JPH3: variants seen among roughly 807,000 people sequenced by gnomAD.
The protein encoded by JPH3 is junctophilin 3.
JPH3 carries 11 observed loss-of-function variants against 59.6 expected under a neutral mutation model. The ratio of observed to expected loss-of-function variants is 0.18; its 90% CI spans 0.12 to 0.31. The LOEUF is 0.31. Among genes scored for constraint, JPH3 ranks in the 10% least tolerant of loss-of-function variants. The probability of loss-of-function intolerance (pLI) is 1.00; values close to 1 mark genes in which losing one functional copy is unlikely to be tolerated. For missense variants in JPH3, 1,202 were observed against 1,105.7 expected, an observed-to-expected ratio of 1.09 and a Z score of -1.24; for synonymous variants, 673 against 483.6, an observed-to-expected ratio of 1.39 and a Z score of -5.14.
chr16:87,696,499 A>C, intron 4 of JPH3, 81 bp from the exon 5 acceptor site: 1 of 1,185,622 alleles, frequency 8.4e-7, no homozygotes, highest in Non-Finnish European at 1.2e-6. Flanking sequence ...AGCTTGGTGA[A>C]AAGACGTGGG....
intron 1 of JPH3, among the ~76,000 whole-genome samples, chr16:87,628,057 C>A (rs2031441898): frequency 6.6e-6 from 1 of 152,234 alleles, no homozygotes; most frequent in South Asian, 2.1e-4. Flanking sequence ...GTGCTGTGTC[C>A]TGTTCCTGCC....
intron 2 of JPH3, among the ~76,000 whole-genome samples, chr16:87,650,224 G>T (rs957914972): frequency 6.6e-6 from 1 of 152,192 alleles, no homozygotes; most frequent in African/African-American, 2.4e-5. Context: ...GCTTTTTCAT[G>T]ATTATATCTG....
intron 4 of JPH3, chr16:87,695,084 G>C (rs2033761497): frequency 5.8e-6 from 2 of 347,336 alleles, no homozygotes; most frequent in Non-Finnish European, 1.1e-5. Flanking sequence ...TGGAACTGCT[G>C]GGTCCCCGGT....
chr16:87,692,719 C>T (rs556498912), intron 4 of JPH3, among the ~76,000 whole-genome samples: 1 of 152,340 alleles, frequency 6.6e-6, no homozygotes, highest in Admixed American at 6.5e-5. Flanking sequence ...GAACTCTGGC[C>T]CTGGCTGTTT....
chr16:87,619,843 T>C (rs1386051817), intron 1 of JPH3, among the ~76,000 whole-genome samples: 1 of 151,884 alleles, frequency 6.6e-6, no homozygotes, highest in Non-Finnish European at 1.5e-5. Context: ...GGGGCACGGA[T>C]GGGGCGCAAG....
At position 87,689,913 on chromosome 16, in the gene JPH3, T is replaced by C. The variant is rs2033518400; in HGVS notation, c.1553T>C (p.Leu518Pro). Residue 518 changes from leucine to proline, a missense_variant, in exon 4 of 5, where the codon CTC becomes CCC. Leu to Pro is a moderately conservative substitution (Grantham distance 98). Transcript: ENST00000284262. The part of the protein sequence containing the change: ...DEERGGDIQM[L>P]LEGRAGDCAR... Reference sequence around the variant, plus strand: ...GAGCGGGGCGGGGACATCCAGATGCTCCTGGAGGGCCGGGCCGGGGACTGC... The same window carrying C: ...GAGCGGGGCGGGGACATCCAGATGCCCCTGGAGGGCCGGGCCGGGGACTGC... The C allele has an allele frequency of 3.4e-6, 5 of 1,456,492 alleles. No homozygotes were observed. The highest frequency in any genetic ancestry group is 4.5e-6 in the Non-Finnish European group (5 of 1,107,134). The allele number at this position is 1,456,492 out of a possible 1,614,324, so 90.2% of individuals were successfully genotyped here.
At chr16:87,629,345 AT>A (rs1024268891) in intron 1 of JPH3, among the ~76,000 whole-genome samples, 50 of 151,964 alleles carry the variant, frequency 3.3e-4, no homozygotes, top group African/African-American at 1.2e-3. Flanking sequence ...GATAATGTAT[AT>A]TTTAGTAAAG....
rs2030285315 is a variant in JPH3 at position 87,602,734 on chromosome 16, G to T, written c.-413G>T. On this transcript the variant is annotated 5_prime_UTR_variant, in exon 1 of 5. Transcript: ENST00000284262. ...CGGCAGCCGCAGGTGGGGGGCCGCG[G>T]CCCGGGCCTGAGCTGCCCCCCGCCC... Among the ~76,000 whole-genome samples, 2 of 137,286 alleles carry T rather than the reference G, an allele frequency of 1.5e-5. No homozygotes were observed. The highest frequency in any genetic ancestry group is 2.6e-5 in the African/African-American group (1 of 38,156). 90.1% of individuals were successfully genotyped at this position (137,286 alleles called of 152,430 possible). A position where few individuals can be genotyped will look rare whatever the true frequency, so the allele number is the denominator to read the frequency against.
At chr16:87,680,782 A>G (rs755423987) in intron 2 of JPH3, among the ~76,000 whole-genome samples, 1 of 152,230 alleles carries the variant, frequency 6.6e-6, no homozygotes, top group African/African-American at 2.4e-5. Flanking sequence ...CTCCTCCTCC[A>G]TGACGTGCTT....
chr16:87,676,458 G>A (rs2033143229), intron 2 of JPH3, among the ~76,000 whole-genome samples: 1 of 152,056 alleles, frequency 6.6e-6, no homozygotes, highest in Non-Finnish European at 1.5e-5. Flanking sequence ...ATTTTAGCCG[G>A]GGTGCAGTGG....
intron 3 of JPH3, among the ~76,000 whole-genome samples, chr16:87,687,818 G>A (rs552677904): frequency 6.6e-6 from 1 of 152,294 alleles, no homozygotes; most frequent in East Asian, 1.9e-4. Context: ...GTGGGTGGAC[G>A]ACCTGGTGGG....
chr16:87,634,936 T>G (rs754793192), intron 1 of JPH3, among the ~76,000 whole-genome samples: 1 of 152,214 alleles, frequency 6.6e-6, no homozygotes, highest in African/African-American at 2.4e-5. Flanking sequence ...AGTTTCCTTC[T>G]TTAAGTGGAC....
chr16:87,630,821 A>G (rs1010364837), intron 1 of JPH3, among the ~76,000 whole-genome samples: 1 of 152,120 alleles, frequency 6.6e-6, no homozygotes, highest in Non-Finnish European at 1.5e-5. Flanking sequence ...TAGTAGATGG[A>G]GATTTTCAAT....
chr16:87,617,695 T>G (rs547916548), intron 1 of JPH3, among the ~76,000 whole-genome samples: 1 of 152,052 alleles, frequency 6.6e-6, no homozygotes, highest in South Asian at 2.1e-4. Context: ...GGTGGTCCTG[T>G]CTTTGAGGGA....
chr16:87,681,271 C>T (rs368195475), intron 2 of JPH3, among the ~76,000 whole-genome samples: 47 of 94,202 alleles, frequency 5.0e-4, no homozygotes, highest in African/African-American at 1.9e-3. Context: ...TGCGCGCGGT[C>T]GTGACAGTTC....
At chr16:87,636,463 AACCGAGGG>A (rs957914309) in intron 1 of JPH3, among the ~76,000 whole-genome samples, 9 of 152,190 alleles carry the variant, frequency 5.9e-5, no homozygotes, top group African/African-American at 2.2e-4. Flanking sequence ...TTTATTGAGC[AACCGAGGG>A]AGCGAGGGAG....
At chr16:87,638,063 G>A (rs1335141468) in intron 1 of JPH3, among the ~76,000 whole-genome samples, 1 of 152,100 alleles carries the variant, frequency 6.6e-6, no homozygotes, top group African/African-American at 2.4e-5. Flanking sequence ...GGGACTACAG[G>A]TGCCCGCCAC....
At chr16:87,686,595 G>A (rs2033425100) in intron 3 of JPH3, among the ~76,000 whole-genome samples, 1 of 151,064 alleles carries the variant, frequency 6.6e-6, no homozygotes, top group Non-Finnish European at 1.5e-5. Flanking sequence ...CTTCCTGGAG[G>A]GCTCAGTCCT....
chr16:87,638,658 G>A lies in JPH3; in HGVS notation c.383-5600G>A, dbSNP rs76929256. Among the ~76,000 whole-genome samples, 993 of 152,090 alleles carry A rather than the reference G, an allele frequency of 6.5e-3. 8 individuals carry two copies. Among genetic ancestry groups the A allele is most frequent in the African/African-American group, 0.023 (941 of 41,428 alleles). Reference sequence around the variant, plus strand: ...AGGAGAGTGAGGAGTACCGGGACCCGGGGTCCCTGCTCTGCTCACCTGCTG... The same window carrying A: ...AGGAGAGTGAGGAGTACCGGGACCCAGGGTCCCTGCTCTGCTCACCTGCTG... On this transcript the variant is annotated intron_variant, in intron 1 of 4. Transcript: ENST00000284262.
Sources: gnomAD v4.1 joint callset for allele counts (sites outside exome capture counted in the v4.1 genomes callset) on GRCh38, gnomAD v4.1.1 for gene constraint, MANE v1.5 for transcripts, NCBI Gene and HGNC (gene_info 2026-07-23, HGNC 2026-07-21) for gene names.